The following CA6 variants were observed in gnomAD, a reference collection of about 807,000 sequenced individuals.
The protein encoded by CA6 is carbonic anhydrase 6.
Under a neutral mutation model 35.9 loss-of-function variants are expected in CA6, and 28 were observed. The ratio of observed to expected loss-of-function variants is 0.78; its 90% CI spans 0.58 to 1.07. The LOEUF (loss-of-function observed/expected upper bound fraction) is 1.07, where lower values mean the gene tolerates loss of function less well. Ranked by LOEUF, CA6 falls within the 50% of genes least tolerant of loss-of-function variation. The probability of loss-of-function intolerance (pLI) is 0.00; values close to 1 mark genes in which losing one functional copy is unlikely to be tolerated. For missense variants in CA6, 377 were observed against 382.0 expected, an observed-to-expected ratio of 0.99 and a Z score of 0.11; for synonymous variants, 148 against 152.6, an observed-to-expected ratio of 0.97 and a Z score of 0.22.
At chr1:8,950,452 T>C (rs1404093603) in intron 2 of CA6, among the ~76,000 whole-genome samples, 1 of 152,108 alleles carries the variant, frequency 6.6e-6, no homozygotes, top group East Asian at 1.9e-4. Context: ...CACTGTCTAA[T>C]GGCCAAGATG....
In CA6 at chr1:8,955,620, G is replaced by A. The variant is rs889627846; in HGVS notation, c.260-1517G>A. Among the ~76,000 whole-genome samples the A allele has an allele frequency of 2.8e-4, 41 of 148,698 alleles. 1 individual carries two copies. Among genetic ancestry groups the A allele is most frequent in the Non-Finnish European group, 7.4e-5 (5 of 67,894 alleles). ...GCTTTCAGCATCACTGACCTTGCAC[G>A]CCTCCTTTTAAGGCCCTTCCACGCC... On this transcript the variant is annotated intron_variant, in intron 2 of 7. Coordinates refer to ENST00000377443, the MANE Select transcript of CA6 (RefSeq NM_001215.4).
intron 7 of CA6, among the ~76,000 whole-genome samples, chr1:8,973,698 TTTTC>T (rs1640165577): frequency 2.5e-5 from 3 of 121,440 alleles, no homozygotes; most frequent in South Asian, 5.6e-4. Flanking sequence ...AGGCCTGGAT[TTTTC>T]TTTCTCTCTC....
In CA6 at chr1:8,974,797, A is replaced by G. The variant is rs1032412763; in HGVS notation, c.*93A>G. ...CTGCAGCCGCACCCTACCTTGTCTAAGAAACCATGTGTGTCTGGAACACGC... is the reference window on the plus strand; with the variant it reads ...CTGCAGCCGCACCCTACCTTGTCTAGGAAACCATGTGTGTCTGGAACACGC... On this transcript the variant is annotated 3_prime_UTR_variant, in exon 8 of 8. Transcript: ENST00000377443. The G allele has an allele frequency of 1.2e-5, 8 of 687,564 alleles. 1 individual carries two copies. Among genetic ancestry groups the G allele is most frequent in the Middle Eastern group, 2.5e-4 (1 of 4,080 alleles). 42.6% of individuals were successfully genotyped at this position (687,564 alleles called of 1,614,324 possible).
chr1:8,966,234 C>T lies in CA6; in HGVS notation c.572-1425C>T, dbSNP rs149466369. Among the ~76,000 whole-genome samples, 1,263 of 152,078 alleles carry T rather than the reference C, an allele frequency of 8.3e-3. 14 individuals carry two copies. Among genetic ancestry groups the T allele is most frequent in the African/African-American group, 0.029 (1,197 of 41,484 alleles). On this transcript the variant is annotated intron_variant, in intron 5 of 7. Transcript: ENST00000377443. ...AAGCGCTTCTCCTGCCTCAGCCTCC[C>T]GAGTAGCTGGGATTACAGGCACGTG...
At chr1:8,970,587 C>G (rs1032860089) in intron 6 of CA6, among the ~76,000 whole-genome samples, 4 of 152,024 alleles carry the variant, frequency 2.6e-5, no homozygotes, top group African/African-American at 9.7e-5. Context: ...TGGCTTACTG[C>G]AGCCTCTGCC....
chr1:8,947,167 A>G lies in CA6; in HGVS notation c.79+1202A>G, dbSNP rs1373831592. On this transcript the variant is annotated intron_variant, in intron 1 of 7. Transcript: ENST00000377443. ...GCATTCAACATGGGTTCTGGTCCAC[A>G]TGTGAGCCAAAGCTAGAAGGCCGTG... 2.0e-5 allele frequency among the ~76,000 whole-genome samples: 3 copies of G among 152,076 alleles called. No homozygotes were observed. The East Asian group carries it at 5.8e-4, about 29-fold the overall frequency.
intron 7 of CA6, among the ~76,000 whole-genome samples, chr1:8,972,544 C>T (rs145098400): frequency 0.043 from 6,577 of 152,008 alleles, 330 homozygotes; most frequent in African/African-American, 0.11. Flanking sequence ...AGGTGGCGGG[C>T]GCCTGTAGTC....
At chr1:8,964,143 A>T (rs1288747336) in intron 5 of CA6, among the ~76,000 whole-genome samples, 3 of 152,062 alleles carry the variant, frequency 2.0e-5, no homozygotes, top group African/African-American at 7.2e-5. Flanking sequence ...TCTTGTCAAC[A>T]CCACCCCTCC....
chr1:8,959,095 A>G, intron 4 of CA6, 93 bp downstream of exon 4: 1 of 724,068 alleles, frequency 1.4e-6, no homozygotes, highest in Non-Finnish European at 2.5e-6. Context: ...CTTCTTTATT[A>G]TCACTCTTCA....
At chr1:8,954,852 G>A (rs1316368180) in intron 2 of CA6, among the ~76,000 whole-genome samples, 1 of 152,282 alleles carries the variant, frequency 6.6e-6, no homozygotes, top group East Asian at 1.9e-4. Context: ...TAGGATTACA[G>A]GTGTGAGCTG....
chr1:8,949,417 C>T lies in CA6; in HGVS notation c.234C>T (p.Phe78=). The T allele has an allele frequency of 3.7e-6, 6 of 1,612,958 alleles. No homozygotes were observed. The highest frequency in any genetic ancestry group is 5.1e-6 in the Non-Finnish European group (6 of 1,179,444). ...GCTATGAGACCCAGGCAGGGGAGTT[C>T]CCCATGGTCAACAATGGCCACACAG... ...MTGYETQAGE[F]PMVNNGHTVQ... is the part of the protein sequence containing the mutation. The change falls in exon 2 of 8, where the codon TTC becomes TTT. Residue 78 remains phenylalanine (F), a synonymous_variant. Transcript: ENST00000377443.
rs1029423460 is a variant in CA6, at chr1:8,951,359, A to G, written c.259+1917A>G. The G allele has an allele frequency of 7.6e-5, 53 of 697,142 alleles. 1 individual carries two copies. The highest frequency in any genetic ancestry group is 7.2e-4 in the Middle Eastern group (3 of 4,170). 43.2% of individuals were successfully genotyped at this position (697,142 alleles called of 1,614,324 possible). A position where few individuals can be genotyped will look rare whatever the true frequency, so the allele number is the denominator to read the frequency against. On this transcript the variant is annotated intron_variant, in intron 2 of 7. Coordinates refer to ENST00000377443, the MANE Select transcript of CA6 (RefSeq NM_001215.4). ...GCCCTGAAATACACAAAGAATGAACAAAAGCCTCATTTTCATCATAATGTC... is the reference window on the plus strand; with the variant it reads ...GCCCTGAAATACACAAAGAATGAACGAAAGCCTCATTTTCATCATAATGTC...
Position 8,970,889 on chromosome 1 carries a change from T to A in CA6, c.752T>A (p.Leu251Ter), listed in dbSNP as rs1640091409. 6.2e-7 allele frequency: 1 copy of A among 1,613,506 alleles called. No individual in the cohort carries two copies. Among genetic ancestry groups the A allele is most frequent in the Non-Finnish European group, 8.5e-7 (1 of 1,179,554 alleles). The change falls in exon 7 of 8, where the codon TTA (leucine) becomes TAA (stop). Residue 251 changes from leucine (L) to a stop codon, truncating the protein, a stop_gained. Transcript: ENST00000377443. LOFTEE classifies it high-confidence loss of function. Reference sequence around the variant, plus strand: ...CAGGTTTGGAAGCTGGAGAATTCCTTACTGGATCACCGCAACAAGACCATC... The same window carrying A: ...CAGGTTTGGAAGCTGGAGAATTCCTAACTGGATCACCGCAACAAGACCATC... ...RTQVWKLENS[L>*]LDHRNKTIHN...
intron 2 of CA6, among the ~76,000 whole-genome samples, chr1:8,950,082 C>T (rs569959716): frequency 4.6e-5 from 7 of 152,140 alleles, no homozygotes; most frequent in Non-Finnish European, 7.4e-5. Context: ...TGGGTTCAAG[C>T]GATTCTCCTG....
At chr1:8,973,974 C>G (rs939129945) in intron 7 of CA6, among the ~76,000 whole-genome samples, 4 of 151,944 alleles carry the variant, frequency 2.6e-5, no homozygotes, top group African/African-American at 7.3e-5. Flanking sequence ...GTAGCATGTA[C>G]CACCACACCC....
chr1:8,968,990 C>T (rs986822238), intron 6 of CA6, among the ~76,000 whole-genome samples: 3 of 150,998 alleles, frequency 2.0e-5, no homozygotes, highest in Non-Finnish European at 4.4e-5. Context: ...TGCACTCCAG[C>T]CTGGGCAACA....
Position 8,963,075 on chromosome 1 carries a change from C to T in CA6, c.571+419C>T, listed in dbSNP as rs1164364616. On this transcript the variant is annotated intron_variant, in intron 5 of 7. Coordinates refer to ENST00000377443, the MANE Select transcript of CA6 (RefSeq NM_001215.4). The surrounding 1 kb of genome is among the most constrained non-coding windows in gnomAD (Gnocchi z 4.1). ...CATCCAGACACTCGGGGTGTTCTTCCGTCCCCTCTCCTCCAGAGGGCGGCG... is the reference window on the plus strand; with the variant it reads ...CATCCAGACACTCGGGGTGTTCTTCTGTCCCCTCTCCTCCAGAGGGCGGCG... Among the ~76,000 whole-genome samples the T allele has an allele frequency of 2.0e-5, 3 of 152,116 alleles. No individual in the cohort carries two copies. The highest frequency in any genetic ancestry group is 7.2e-5 in the African/African-American group (3 of 41,424).
chr1:8,960,801 G>A (rs528329928), intron 4 of CA6, among the ~76,000 whole-genome samples: 1 of 106,048 alleles, frequency 9.4e-6, no homozygotes, highest in South Asian at 2.7e-4. Context: ...TATATATAAT[G>A]GGAGTCCCAG....
chr1:8,947,483 G>A (rs912085953), intron 1 of CA6, among the ~76,000 whole-genome samples: 1 of 152,048 alleles, frequency 6.6e-6, no homozygotes, highest in Non-Finnish European at 1.5e-5. Flanking sequence ...CTGAACAACC[G>A]CTCTGTTCCT....
Sources: allele counts gnomAD v4.1 joint callset (sites outside exome capture counted in the v4.1 genomes callset), GRCh38; gene constraint gnomAD v4.1.1; non-coding constraint Gnocchi (gnomAD v3.1); transcripts MANE v1.5; gene names NCBI Gene and HGNC (gene_info 2026-07-23, HGNC 2026-07-21).